EPHB2: variants seen among roughly 807,000 people sequenced by gnomAD.
The protein encoded by EPHB2 is ephrin type-B receptor 2.
A neutral mutation model predicts 96.4 loss-of-function variants in EPHB2; 18 were observed. That is an observed-to-expected ratio of 0.19 (90% CI 0.13 to 0.28). EPHB2 has a LOEUF of 0.28. EPHB2 is among the 10% of genes least tolerant of loss of function. The pLI, the probability that EPHB2 is intolerant of heterozygous loss-of-function variation, is 1.00. For synonymous variants in EPHB2, 506 were observed against 534.1 expected (o/e 0.95, Z 0.72); for missense variants, 989 against 1,355.4 (o/e 0.73, Z 4.25).
chr1:22,753,288 T>TG (rs1644093075), intron 1 of EPHB2, among the ~76,000 whole-genome samples: 1 of 152,122 alleles, frequency 6.6e-6, no homozygotes, highest in African/African-American at 2.4e-5. Context: ...ATCTGTAAAA[T>TG]GGGGGTCCCT....
At chr1:22,771,918 G>T (rs1265354917) in intron 1 of EPHB2, among the ~76,000 whole-genome samples, 1 of 152,068 alleles carries the variant, frequency 6.6e-6, no homozygotes, top group Non-Finnish European at 1.5e-5. Flanking sequence ...TGTGGCCTTG[G>T]TCAAGTCACC....
chr1:22,725,896 A>G (rs1318097501), intron 1 of EPHB2, among the ~76,000 whole-genome samples: 1 of 152,140 alleles, frequency 6.6e-6, no homozygotes, highest in African/African-American at 2.4e-5. Context: ...CAGCAGGGGA[A>G]GAGATTTGGC....
At position 22,895,521 on chromosome 1, in the gene EPHB2, C is replaced by T; in HGVS notation, c.1641C>T (p.Ser547=). The T allele has an allele frequency of 6.2e-7, 1 of 1,614,238 alleles. No homozygotes were observed. The highest frequency in any genetic ancestry group is 1.3e-5 in the African/African-American group (1 of 75,060). The change falls in exon 8 of 16, where the codon TCC becomes TCT. Residue 547 remains serine, a synonymous_variant. Transcript: ENST00000374630. ...IQEKLPLIIG[S]SAAGLVFLIA... ...AGAAGTTGCCACTCATCATCGGCTC[C>T]TCGGCCGCTGGCCTGGTCTTCCTCA... is the stretch of plus-strand genomic sequence containing the variant.
chr1:22,728,573 C>A (rs1046029753), intron 1 of EPHB2, among the ~76,000 whole-genome samples: 1 of 152,192 alleles, frequency 6.6e-6, no homozygotes, highest in African/African-American at 2.4e-5. Flanking sequence ...GCTGGATAGA[C>A]CATGTCTCTT....
At position 22,839,141 on chromosome 1, in the gene EPHB2, G is replaced by C. The variant is rs572267248; in HGVS notation, c.812-23896G>C. ...CTGTTGCCACTTCTCTGCTGAATCC[G>C]AGGCAGACAGTACCAATCAATCACG... is the stretch of plus-strand genomic sequence containing the variant. On this transcript the variant is annotated intron_variant, in intron 3 of 15. Coordinates refer to ENST00000374630, the MANE Select transcript of EPHB2 (RefSeq NM_017449.5). Among the ~76,000 whole-genome samples the C allele has an allele frequency of 3.4e-4, 52 of 152,172 alleles. 1 individual carries two copies. The South Asian group carries it at 0.011, about 31-fold the overall frequency.
chr1:22,781,319 A>T (rs1263998248), intron 1 of EPHB2, 102 bp from the exon 2 acceptor site: 27 of 17,234 alleles, frequency 1.6e-3, no homozygotes, highest in Non-Finnish European at 7.0e-3. Context: ...GACTCCGTCT[A>T]AAAAAAAAAA....
chr1:22,902,936 AAG>A (rs1481251307), intron 9 of EPHB2, among the ~76,000 whole-genome samples: 5 of 152,232 alleles, frequency 3.3e-5, no homozygotes, highest in Non-Finnish European at 7.3e-5. Flanking sequence ...CACAAAAAGA[AAG>A]AGAGAGTGTT....
At chr1:22,778,663 T>C (rs1644486692) in intron 1 of EPHB2, among the ~76,000 whole-genome samples, 1 of 152,192 alleles carries the variant, frequency 6.6e-6, no homozygotes, top group Admixed American at 6.5e-5. Context: ...TGCGTTCCCT[T>C]TGTGTCTGCA....
At position 22,784,684 on chromosome 1, in the gene EPHB2, C is replaced by A. The variant is rs775993472; in HGVS notation, c.419C>A (p.Thr140Asn). Reference sequence around the variant, plus strand: ...GAGAATCCATGGGTGAAGGTGGATACCATTGCAGCCGACGAGAGCTTCTCC... The same window carrying A: ...GAGAATCCATGGGTGAAGGTGGATAACATTGCAGCCGACGAGAGCTTCTCC... The part of the protein sequence containing the change: ...WMENPWVKVD[T>N]IAADESFSQV... The change falls in exon 3 of 16, where the codon ACC becomes AAC. Residue 140 changes from threonine (T) to asparagine (N), a missense_variant. By Grantham distance (65) the Thr-to-Asn change is moderately conservative. Coordinates refer to ENST00000374630, the MANE Select transcript of EPHB2 (RefSeq NM_017449.5). The surrounding 1 kb of genome is among the most constrained non-coding windows in gnomAD (Gnocchi z 5.1). 6.2e-7 allele frequency: 1 copy of A among 1,614,036 alleles called. No individual in the cohort carries two copies. Among genetic ancestry groups the A allele is most frequent in the Non-Finnish European group, 8.5e-7 (1 of 1,180,046 alleles).
chr1:22,761,793 C>G (rs1468387859), intron 1 of EPHB2, among the ~76,000 whole-genome samples: 2 of 152,198 alleles, frequency 1.3e-5, no homozygotes, highest in Non-Finnish European at 2.9e-5. Flanking sequence ...TGTGTGCAGT[C>G]TGCCAGGGGC....
intron 3 of EPHB2, among the ~76,000 whole-genome samples, chr1:22,834,644 G>T (rs1166347623): frequency 6.6e-6 from 1 of 152,168 alleles, no homozygotes; most frequent in East Asian, 1.9e-4. Context: ...AAATGGCAAG[G>T]CCAGGCACGG....
intron 1 of EPHB2, among the ~76,000 whole-genome samples, chr1:22,739,265 G>T (rs971237844): frequency 2.4e-4 from 37 of 152,058 alleles, no homozygotes; most frequent in African/African-American, 8.9e-4. Flanking sequence ...ACCCAGGCTG[G>T]AGTGCAGTGG....
At chr1:22,820,362 G>A (rs1391243160) in intron 3 of EPHB2, among the ~76,000 whole-genome samples, 2 of 152,162 alleles carry the variant, frequency 1.3e-5, no homozygotes, top group Non-Finnish European at 2.9e-5. Flanking sequence ...AATGATAGCT[G>A]TAACAATAGC....
At chr1:22,798,579 C>T (rs1022882985) in intron 3 of EPHB2, among the ~76,000 whole-genome samples, 1 of 152,050 alleles carries the variant, frequency 6.6e-6, no homozygotes, top group African/African-American at 2.4e-5. Flanking sequence ...CTGTGGGACT[C>T]GATTCTCTCA....
At chr1:22,812,308 G>C (rs1015743697) in intron 3 of EPHB2, among the ~76,000 whole-genome samples, 1 of 152,268 alleles carries the variant, frequency 6.6e-6, no homozygotes, top group Non-Finnish European at 1.5e-5. Context: ...GGAGGCTGGC[G>C]CACCTTGGGC....
intron 3 of EPHB2, among the ~76,000 whole-genome samples, chr1:22,825,610 G>T (rs573548410): frequency 6.6e-6 from 1 of 152,228 alleles, no homozygotes; most frequent in Non-Finnish European, 1.5e-5. Context: ...CCCCTCATGC[G>T]TTGGCCAGAG....
In EPHB2 at chr1:22,814,637, TG is replaced by T. The variant is rs145766524; in HGVS notation, c.811+29562del. Among the ~76,000 whole-genome samples, 3 of 152,290 alleles carry T rather than the reference TG, an allele frequency of 2.0e-5. No individual in the cohort carries two copies. The East Asian group carries it at 5.8e-4, about 29-fold the overall frequency. ...CTGAGGCTCAGAAAGGTGAATGCAC[TG>T]CTTAAGGTCACACAGCCACAAAGCC... On this transcript the variant is annotated intron_variant, in intron 3 of 15. Transcript: ENST00000374630.
At chr1:22,775,823 T>C (rs1644443533) in intron 1 of EPHB2, among the ~76,000 whole-genome samples, 1 of 152,224 alleles carries the variant, frequency 6.6e-6, no homozygotes, top group Non-Finnish European at 1.5e-5. Flanking sequence ...CTGGTGGCCC[T>C]AGTTCCAGCT....
intron 3 of EPHB2, among the ~76,000 whole-genome samples, chr1:22,854,947 G>A (rs1645677423): frequency 6.6e-6 from 1 of 152,156 alleles, no homozygotes; most frequent in Admixed American, 6.5e-5. Flanking sequence ...AACCCAGCAA[G>A]CCCAGCCCTG....
Sources: gnomAD v4.1 joint callset for allele counts (sites outside exome capture counted in the v4.1 genomes callset) on GRCh38, gnomAD v4.1.1 for gene constraint, Gnocchi (gnomAD v3.1) non-coding constraint, MANE v1.5 for transcripts, NCBI Gene and HGNC (gene_info 2026-07-23, HGNC 2026-07-21) for gene names.